The following HDX variants were observed in gnomAD, a reference collection of about 807,000 sequenced individuals.
HDX encodes the protein highly divergent homeobox.
HDX carries 19 observed loss-of-function variants against 45.2 expected under a neutral mutation model. That is an observed-to-expected ratio of 0.42 (90% CI 0.29 to 0.62). The LOEUF is 0.62. Ranked by LOEUF, HDX falls within the 20% of genes least tolerant of loss-of-function variation. The probability of loss-of-function intolerance (pLI) is 0.20; values close to 1 mark genes in which losing one functional copy is unlikely to be tolerated. For synonymous variants in HDX, 188 were observed against 172.8 expected, an observed-to-expected ratio of 1.09 and a Z score of -0.69; for missense variants, 532 against 493.9, an observed-to-expected ratio of 1.08 and a Z score of -0.73.
At chrX:84,452,378 G>T (rs776122603) in intron 4 of HDX, among the ~76,000 whole-genome samples, 79 of 109,084 alleles carry the variant, frequency 7.2e-4, no homozygotes, top group African/African-American at 2.5e-3. Context: ...ATTAGCTGAG[G>T]AAAAAAAATC....
intron 2 of HDX, among the ~76,000 whole-genome samples, chrX:84,480,991 G>T (rs2040665186): frequency 9.0e-6 from 1 of 111,094 alleles, no homozygotes; most frequent in African/African-American, 3.3e-5. Context: ...TTGTGGGAAT[G>T]TTTTGAAGTA....
intron 5 of HDX, among the ~76,000 whole-genome samples, chrX:84,375,329 C>T (rs1372724700): frequency 8.1e-5 from 9 of 110,637 alleles, no homozygotes; most frequent in Non-Finnish European, 1.7e-4. Flanking sequence ...TAGTGGAAGT[C>T]AGTGTGGCGA....
At chrX:84,437,725 G>GGAATACATAGC (rs1332539729) in intron 5 of HDX, among the ~76,000 whole-genome samples, 1 of 111,002 alleles carries the variant, frequency 9.0e-6, no homozygotes, top group East Asian at 2.9e-4. Context: ...CCATCCTTCA[G>GGAATACATAGC]GAATACATAG....
intron 4 of HDX, among the ~76,000 whole-genome samples, chrX:84,453,700 G>T (rs1373053178): frequency 8.9e-6 from 1 of 111,816 alleles, no homozygotes; most frequent in Non-Finnish European, 1.9e-5. Flanking sequence ...CTCACAGCCA[G>T]TACACATGGG....
rs1349715330 is a variant in HDX, at chrX:84,490,830, AT to A, written c.-109-2699del. ...TATATATAAAATTCTAAGTTAACTT[AT>A]TTTTTTCTTTCAGCACATTAAGAAT... On this transcript the variant is annotated intron_variant, in intron 1 of 10. Transcript: ENST00000373177. 1.0e-4 allele frequency among the ~76,000 whole-genome samples: 11 copies of A among 109,907 alleles called. No homozygotes were observed. In the South Asian group the frequency reaches 3.7e-3, roughly 37 times the overall value.
intron 4 of HDX, among the ~76,000 whole-genome samples, chrX:84,454,210 C>T (rs1038276823): frequency 3.6e-5 from 4 of 111,353 alleles, no homozygotes; most frequent in Non-Finnish European, 7.5e-5. Context: ...GTAAAGGAGA[C>T]TTTGTCTTGC....
rs750795579 is a variant in HDX, at chrX:84,334,751, C to G, written c.1741-909G>C. Among the ~76,000 whole-genome samples the G allele has an allele frequency of 4.6e-5, 5 of 108,584 alleles. No homozygotes were observed. The South Asian group carries it at 2.0e-3, about 43-fold the overall frequency. The allele number at this position is 108,584 out of a possible 115,157, so 94.3% of individuals were successfully genotyped here. The stretch of plus-strand genomic sequence containing the variant: ...TAAAAAACACAGTCAAGAAAAAACT[C>G]CTTTAAATATTTAAACCCTGCCAAC... On this transcript the variant is annotated intron_variant, in intron 8 of 10. Transcript: ENST00000373177.
At chrX:84,433,608 G>A (rs766705523) in intron 5 of HDX, among the ~76,000 whole-genome samples, 1 of 111,610 alleles carries the variant, frequency 9.0e-6, no homozygotes, top group Non-Finnish European at 1.9e-5. Flanking sequence ...ATATTTTGAC[G>A]TTTGGTAGTG....
At chrX:84,345,345 A>G (rs1410353290) in intron 6 of HDX, among the ~76,000 whole-genome samples, 1 of 111,007 alleles carries the variant, frequency 9.0e-6, no homozygotes, top group Non-Finnish European at 1.9e-5. Flanking sequence ...TTCTGTCTCC[A>G]TAACTGTGCT....
intron 5 of HDX, among the ~76,000 whole-genome samples, chrX:84,419,739 A>G (rs1361758381): frequency 8.9e-6 from 1 of 112,100 alleles, no homozygotes; most frequent in East Asian, 2.8e-4. Flanking sequence ...TTTAGGTCGA[A>G]CTTAGCACAG....
chrX:84,413,237 C>T (rs1468538182), intron 5 of HDX, among the ~76,000 whole-genome samples: 2 of 111,952 alleles, frequency 1.8e-5, no homozygotes, highest in Non-Finnish European at 3.8e-5. Flanking sequence ...TTTGAGTTGC[C>T]AGATTTCTTG....
chrX:84,410,897 G>A (rs1364320688), intron 5 of HDX, among the ~76,000 whole-genome samples: 1 of 111,073 alleles, frequency 9.0e-6, no homozygotes. Context: ...AATCTTGGAG[G>A]GTTGTATGTT....
At chrX:84,351,035 CTATCT>C (rs1340353733) in intron 6 of HDX, among the ~76,000 whole-genome samples, 1 of 109,867 alleles carries the variant, frequency 9.1e-6, no homozygotes, top group South Asian at 3.9e-4. Flanking sequence ...ATCTATCTAT[CTATCT>C]ATCTATCTAT....
chrX:84,486,632 G>A (rs1254534206), intron 2 of HDX, among the ~76,000 whole-genome samples: 1 of 109,208 alleles, frequency 9.2e-6, no homozygotes, highest in African/African-American at 3.3e-5. Context: ...AGGAATCGGG[G>A]TTGACTTTTT....
At chrX:84,447,053 C>T (rs1174029330) in intron 4 of HDX, among the ~76,000 whole-genome samples, 1 of 111,822 alleles carries the variant, frequency 8.9e-6, no homozygotes, top group Non-Finnish European at 1.9e-5. Flanking sequence ...GAACAAAGCT[C>T]ATGAAAACCT....
At chrX:84,494,753 G>T (rs2040965320) in intron 1 of HDX, among the ~76,000 whole-genome samples, 1 of 111,793 alleles carries the variant, frequency 8.9e-6, no homozygotes, top group African/African-American at 3.2e-5. Context: ...AATTAGTACA[G>T]TCATTATGGA....
At chrX:84,440,912 TG>T (rs1167159176) in intron 4 of HDX, among the ~76,000 whole-genome samples, 1 of 110,913 alleles carries the variant, frequency 9.0e-6, no homozygotes, top group Non-Finnish European at 1.9e-5. Context: ...CAATGCTTTT[TG>T]AAGTGAAGAA....
intron 4 of HDX, among the ~76,000 whole-genome samples, chrX:84,465,072 A>G (rs1378778766): frequency 2.7e-5 from 3 of 112,577 alleles, no homozygotes; most frequent in Non-Finnish European, 3.8e-5. Context: ...TATGAAAAAA[A>G]GCTCATCATC....
At chrX:84,356,867 C>T (rs1014554428) in intron 6 of HDX, among the ~76,000 whole-genome samples, 3 of 110,567 alleles carry the variant, frequency 2.7e-5, no homozygotes, top group African/African-American at 9.9e-5. Flanking sequence ...GTGATCCGCC[C>T]ACCTCGGCCT....
Sources: gnomAD v4.1 joint callset for allele counts (sites outside exome capture counted in the v4.1 genomes callset) on GRCh38, gnomAD v4.1.1 for gene constraint, MANE v1.5 for transcripts, NCBI Gene and HGNC (gene_info 2026-07-23, HGNC 2026-07-21) for gene names.